PPFIA1: variants seen among roughly 807,000 people sequenced by gnomAD.
PPFIA1 encodes PPFI scaffold protein A1.
A neutral mutation model predicts 149.9 loss-of-function variants in PPFIA1; 25 were observed. The observed-to-expected ratio is 0.17, with a 90% CI of 0.12 to 0.23. PPFIA1 has a LOEUF of 0.23. Among genes scored for constraint, PPFIA1 ranks in the 10% least tolerant of loss-of-function variants. The pLI is 1.00. For synonymous variants in PPFIA1, 549 were observed against 552.8 expected (o/e 0.99, Z 0.10); for missense variants, 1,362 against 1,506.5 (o/e 0.90, Z 1.59).
intron 8 of PPFIA1, 133 bp from the exon 9 acceptor site, chr11:70,331,827 G>T (rs936229020): frequency 2.0e-6 from 2 of 986,648 alleles, no homozygotes; most frequent in Non-Finnish European, 2.8e-6. Context: ...TGACCCAGAA[G>T]CAACTCCCAT....
At chr11:70,317,120 A>G (rs1365275517) in intron 2 of PPFIA1, among the ~76,000 whole-genome samples, 1 of 152,208 alleles carries the variant, frequency 6.6e-6, no homozygotes, top group Non-Finnish European at 1.5e-5. Context: ...ACTTTAAACT[A>G]GTGATATATT....
intron 15 of PPFIA1, among the ~76,000 whole-genome samples, chr11:70,347,245 C>T (rs4417299): frequency 0.91 from 138,845 of 152,274 alleles, 63,533 homozygotes; most frequent in East Asian, 1. Context: ...TTTAAAATAT[C>T]ACTTAGTAAG....
intron 15 of PPFIA1, among the ~76,000 whole-genome samples, chr11:70,345,271 C>T (rs544891637): frequency 4.1e-4 from 60 of 147,908 alleles, no homozygotes; most frequent in Admixed American, 2.2e-3. Context: ...GATCCCTGTA[C>T]GTCAGATGGT....
chr11:70,366,425 G>A (rs1485996467), intron 21 of PPFIA1, among the ~76,000 whole-genome samples: 1 of 152,150 alleles, frequency 6.6e-6, no homozygotes, highest in East Asian at 1.9e-4. Context: ...CTAATACTAT[G>A]TCCACTTAAA....
At chr11:70,331,910 G>C (rs2054692405) in intron 8 of PPFIA1, 50 bp from the exon 9 acceptor site, 4 of 1,564,902 alleles carry the variant, frequency 2.6e-6, no homozygotes, top group Non-Finnish European at 3.5e-6. Context: ...GTTAAAAACT[G>C]ATCAGCTAGA....
intron 15 of PPFIA1, 112 bp downstream of exon 15, chr11:70,344,004 A>C: frequency 1.0e-6 from 1 of 959,384 alleles, no homozygotes; most frequent in Non-Finnish European, 1.5e-6. Context: ...AGTATTACAT[A>C]ATAATAGAAC....
intron 2 of PPFIA1, among the ~76,000 whole-genome samples, chr11:70,307,240 A>T (rs985664833): frequency 6.6e-6 from 1 of 152,230 alleles, no homozygotes; most frequent in African/African-American, 2.4e-5. Context: ...ATAGATGCAC[A>T]GGTATAGAAT....
At chr11:70,323,599 G>A (rs2054091481) in intron 2 of PPFIA1, among the ~76,000 whole-genome samples, 2 of 152,178 alleles carry the variant, frequency 1.3e-5, no homozygotes, top group South Asian at 4.1e-4. Context: ...GGGAGGCAGG[G>A]AGCAGTCTTG....
intron 19 of PPFIA1, among the ~76,000 whole-genome samples, chr11:70,357,568 A>G (rs774084621): frequency 1.1e-4 from 16 of 151,718 alleles, no homozygotes; most frequent in Non-Finnish European, 2.2e-4. Flanking sequence ...GAACATTGCT[A>G]TGCTTGAACT....
At chr11:70,366,052 TTTTTGATG>T (rs1193685144) in intron 21 of PPFIA1, 3 of 436,056 alleles carry the variant, frequency 6.9e-6, no homozygotes, top group Non-Finnish European at 1.4e-5. Flanking sequence ...TAATCTACTT[TTTTTGATG>T]TTTATAGCAT....
intron 21 of PPFIA1, chr11:70,365,229 C>T (rs548671601): frequency 2.5e-4 from 83 of 337,622 alleles, no homozygotes; most frequent in African/African-American, 1.5e-3. Context: ...TTATTCTGTA[C>T]GGGCATCTGA....
intron 2 of PPFIA1, among the ~76,000 whole-genome samples, chr11:70,309,929 A>G (rs1389795776): frequency 6.6e-6 from 1 of 152,208 alleles, no homozygotes; most frequent in Non-Finnish European, 1.5e-5. Context: ...AGATAGTGGT[A>G]ATGGTAACAC....
At chr11:70,312,586 C>T (rs1391126664) in intron 2 of PPFIA1, among the ~76,000 whole-genome samples, 1 of 152,224 alleles carries the variant, frequency 6.6e-6, no homozygotes, top group Non-Finnish European at 1.5e-5. Flanking sequence ...TTTGAATCAG[C>T]TCCACAGGTG....
chr11:70,332,371 C>T (rs2054717586), intron 9 of PPFIA1, among the ~76,000 whole-genome samples: 1 of 152,056 alleles, frequency 6.6e-6, no homozygotes, highest in South Asian at 2.1e-4. Flanking sequence ...GTTTTGGTCA[C>T]CAGCTTAAGC....
chr11:70,350,143 T>C (rs1448856771), intron 16 of PPFIA1: 4 of 327,250 alleles, frequency 1.2e-5, no homozygotes, highest in South Asian at 9.4e-5. Flanking sequence ...TTTTTCTCAA[T>C]GGTAATTTAA....
intron 8 of PPFIA1, 143 bp from the exon 9 acceptor site, chr11:70,331,817 T>C: frequency 4.4e-6 from 4 of 908,952 alleles, no homozygotes; most frequent in Non-Finnish European, 6.2e-6. Context: ...AACAAAAACC[T>C]GACCCAGAAG....
intron 2 of PPFIA1, among the ~76,000 whole-genome samples, chr11:70,292,414 T>G (rs2051597206): frequency 6.6e-6 from 1 of 152,142 alleles, no homozygotes; most frequent in Non-Finnish European, 1.5e-5. Context: ...GAGCAGTAGG[T>G]TTGTGTGGAG....
At chr11:70,343,370 T>A (rs965423016) in intron 14 of PPFIA1, among the ~76,000 whole-genome samples, 1 of 152,212 alleles carries the variant, frequency 6.6e-6, no homozygotes, top group Non-Finnish European at 1.5e-5. Flanking sequence ...CTGCCCACCC[T>A]TCCCGGCTGA....
intron 15 of PPFIA1, among the ~76,000 whole-genome samples, chr11:70,347,933 G>A (rs1180807549): frequency 6.6e-6 from 1 of 152,134 alleles, no homozygotes; most frequent in Non-Finnish European, 1.5e-5. Context: ...AACCCAGGAG[G>A]CAGAGGTTGC....
Sources: allele counts gnomAD v4.1 joint callset (sites outside exome capture counted in the v4.1 genomes callset), GRCh38; gene constraint gnomAD v4.1.1; transcripts MANE v1.5; gene names NCBI Gene and HGNC (gene_info 2026-07-23, HGNC 2026-07-21).